The following DLG2 variants were observed in gnomAD, a reference collection of about 807,000 sequenced individuals.
DLG2 encodes disks large homolog 2.
A neutral mutation model predicts 132.5 loss-of-function variants in DLG2; 45 were observed. The observed-to-expected ratio is 0.34, with a 90% CI of 0.27 to 0.44. The LOEUF (loss-of-function observed/expected upper bound fraction) is 0.44, where lower values mean the gene tolerates loss of function less well. Ranked by LOEUF, DLG2 falls within the 20% of genes least tolerant of loss-of-function variation. DLG2 has a pLI of 1.00. For synonymous variants in DLG2, 424 were observed against 419.6 expected (o/e 1.01, Z -0.13); for missense variants, 1,045 against 1,196.9 (o/e 0.87, Z 1.87).
chr11:84,113,206 T>C (rs577132279), intron 9 of DLG2, among the ~76,000 whole-genome samples: 5 of 152,322 alleles, frequency 3.3e-5, no homozygotes, highest in Non-Finnish European at 7.4e-5. Context: ...AATTATTAAT[T>C]TTCTTAAATA....
At chr11:84,087,075 G>A (rs1357616430) in intron 10 of DLG2, among the ~76,000 whole-genome samples, 1 of 152,102 alleles carries the variant, frequency 6.6e-6, no homozygotes, top group Non-Finnish European at 1.5e-5. Flanking sequence ...CATTTGGGTT[G>A]TTTCCAGTTT....
chr11:84,459,770 A>G (rs2099075427), intron 7 of DLG2, among the ~76,000 whole-genome samples: 1 of 150,694 alleles, frequency 6.6e-6, no homozygotes, highest in Non-Finnish European at 1.5e-5. Context: ...AGTTAGAAGT[A>G]TACATCTTTT....
intron 6 of DLG2, among the ~76,000 whole-genome samples, chr11:84,930,953 T>C (rs1010759337): frequency 6.6e-6 from 1 of 152,102 alleles, no homozygotes; most frequent in Non-Finnish European, 1.5e-5. Context: ...CTCTGACTTC[T>C]TAACACATTG....
chr11:84,143,494 A>G (rs1293563017), intron 9 of DLG2, among the ~76,000 whole-genome samples: 7 of 152,310 alleles, frequency 4.6e-5, no homozygotes, highest in Admixed American at 6.5e-5. Context: ...CTTTAAAACC[A>G]CGTAATTCAC....
At chr11:83,804,123 T>C (rs2045260132) in intron 17 of DLG2, among the ~76,000 whole-genome samples, 1 of 152,142 alleles carries the variant, frequency 6.6e-6, no homozygotes, top group Non-Finnish European at 1.5e-5. Flanking sequence ...TTAGGCAAAC[T>C]GTGTCAAGAA....
At chr11:83,778,399 A>G (rs775135175) in intron 18 of DLG2, among the ~76,000 whole-genome samples, 1 of 152,176 alleles carries the variant, frequency 6.6e-6, no homozygotes, top group Non-Finnish European at 1.5e-5. Context: ...GGCTTTTTCC[A>G]GTATTAATGA....
chr11:84,732,791 C>CCCG (rs1191881802), intron 6 of DLG2, among the ~76,000 whole-genome samples: 1 of 148,262 alleles, frequency 6.7e-6, no homozygotes, highest in Non-Finnish European at 1.5e-5. Flanking sequence ...TATCCCTCCC[C>CCCG]CCACCCACCC....
chr11:83,473,760 C>A (rs142098813), intron 22 of DLG2, among the ~76,000 whole-genome samples: 46 of 152,112 alleles, frequency 3.0e-4, no homozygotes, highest in African/African-American at 1.1e-3. Context: ...TCCTCACCAC[C>A]CACCCCTGAA....
At chr11:83,953,099 G>C (rs927627490) in intron 14 of DLG2, among the ~76,000 whole-genome samples, 2 of 152,024 alleles carry the variant, frequency 1.3e-5, no homozygotes, top group Non-Finnish European at 2.9e-5. Context: ...AAAAATGAAC[G>C]ACATAACCCA....
At chr11:85,264,809 T>C (rs1307119271) in intron 4 of DLG2, among the ~76,000 whole-genome samples, 1 of 152,198 alleles carries the variant, frequency 6.6e-6, no homozygotes, top group Non-Finnish European at 1.5e-5. Context: ...CTCATGGATG[T>C]AGCTTCCCAA....
intron 4 of DLG2, among the ~76,000 whole-genome samples, chr11:85,235,640 A>G (rs921035192): frequency 1.3e-5 from 2 of 151,954 alleles, no homozygotes; most frequent in Admixed American, 1.3e-4. Flanking sequence ...AAAACTAGGA[A>G]AGAGTATGTT....
chr11:84,364,520 T>C (rs2098670121), intron 7 of DLG2, among the ~76,000 whole-genome samples: 2 of 152,306 alleles, frequency 1.3e-5, no homozygotes, highest in African/African-American at 2.4e-5. Flanking sequence ...CCTGCCTAAT[T>C]GCCCTAGCCA....
chr11:84,159,745 G>A (rs965363543), intron 9 of DLG2, among the ~76,000 whole-genome samples: 1 of 152,178 alleles, frequency 6.6e-6, no homozygotes, highest in African/African-American at 2.4e-5. Context: ...GAACAGCAGG[G>A]TAAAAGTGGA....
chr11:84,494,711 A>T (rs1302987880), intron 7 of DLG2, among the ~76,000 whole-genome samples: 3 of 152,210 alleles, frequency 2.0e-5, no homozygotes, highest in African/African-American at 7.2e-5. Flanking sequence ...AGTGAGTAGC[A>T]GACCCTAAAG....
At chr11:84,400,949 A>G (rs953098605) in intron 7 of DLG2, among the ~76,000 whole-genome samples, 1 of 150,844 alleles carries the variant, frequency 6.6e-6, no homozygotes, top group Admixed American at 6.6e-5. Context: ...ACCATCACCA[A>G]CTTCCTCCTC....
chr11:84,574,919 G>T (rs949157133), intron 6 of DLG2, among the ~76,000 whole-genome samples: 4 of 151,862 alleles, frequency 2.6e-5, no homozygotes, highest in Non-Finnish European at 4.4e-5. Flanking sequence ...CAGCCAACTG[G>T]GTAGATGCAA....
intron 8 of DLG2, among the ~76,000 whole-genome samples, chr11:84,197,036 C>CAAAAAAAAAAAAAAAAAAAAAAAAAA (rs60877284): frequency 3.4e-5 from 3 of 87,934 alleles, no homozygotes; most frequent in African/African-American, 4.4e-5. Flanking sequence ...GACTCTTTCT[C>CAAAAAAAAAAAAAAAAAAAAAAAAAA]AAAAAAAAAA....
At chr11:85,337,598 T>C (rs1376003324) in intron 3 of DLG2, among the ~76,000 whole-genome samples, 1 of 152,224 alleles carries the variant, frequency 6.6e-6, no homozygotes, top group Non-Finnish European at 1.5e-5. Flanking sequence ...TAAAACTTTA[T>C]TATTACAGGT....
At chr11:85,156,750 C>A (rs939674741) in intron 4 of DLG2, among the ~76,000 whole-genome samples, 3 of 152,162 alleles carry the variant, frequency 2.0e-5, no homozygotes, top group African/African-American at 7.2e-5. Flanking sequence ...CCATCATAGA[C>A]TAAGCGCAAA....
Sources: allele counts gnomAD v4.1 joint callset (sites outside exome capture counted in the v4.1 genomes callset), GRCh38; gene constraint gnomAD v4.1.1; transcripts MANE v1.5; gene names NCBI Gene and HGNC (gene_info 2026-07-23, HGNC 2026-07-21).